Variants in FAF1 observed in about 807,000 individuals in gnomAD.
FAF1 encodes FAS-associated factor 1.
Under a neutral mutation model 92.5 loss-of-function variants are expected in FAF1, and 25 were observed. The ratio of observed to expected loss-of-function variants is 0.27; its 90% CI spans 0.20 to 0.38. The LOEUF is 0.38. Ranked by LOEUF, FAF1 falls within the 10% of genes least tolerant of loss-of-function variation. The probability of loss-of-function intolerance (pLI) is 1.00; values close to 1 mark genes in which losing one functional copy is unlikely to be tolerated. For synonymous variants in FAF1, 234 were observed against 273.2 expected, an observed-to-expected ratio of 0.86 and a Z score of 1.42; for missense variants, 636 against 793.3, an observed-to-expected ratio of 0.80 and a Z score of 2.38.
At chr1:50,646,686 G>A (rs1160542486) in intron 8 of FAF1, among the ~76,000 whole-genome samples, 1 of 152,070 alleles carries the variant, frequency 6.6e-6, no homozygotes, top group African/African-American at 2.4e-5. Context: ...TGATCCCATT[G>A]CATTTATATA....
intron 1 of FAF1, among the ~76,000 whole-genome samples, chr1:50,878,775 C>T (rs1644589688): frequency 6.6e-6 from 1 of 152,184 alleles, no homozygotes; most frequent in South Asian, 2.1e-4. Context: ...TAGTTTATCT[C>T]ATTTAATCAT....
chr1:50,906,278 G>A (rs1285436833), intron 1 of FAF1, among the ~76,000 whole-genome samples: 3 of 152,294 alleles, frequency 2.0e-5, no homozygotes, highest in East Asian at 1.9e-4. Context: ...TTTGGTTATT[G>A]TAGCTTTGTA....
chr1:50,701,130 TTA>T (rs1358362994), intron 7 of FAF1, among the ~76,000 whole-genome samples: 1 of 152,088 alleles, frequency 6.6e-6, no homozygotes, highest in African/African-American at 2.4e-5. Context: ...GCAGAAGAAA[TTA>T]TCTCTTTCAT....
chr1:50,669,223 G>A (rs540154182), intron 7 of FAF1, among the ~76,000 whole-genome samples: 1 of 152,112 alleles, frequency 6.6e-6, no homozygotes, highest in East Asian at 1.9e-4. Context: ...TCTAATCTCA[G>A]CTCTGAACTA....
At chr1:50,656,791 G>A (rs1171426955) in intron 7 of FAF1, among the ~76,000 whole-genome samples, 1 of 152,138 alleles carries the variant, frequency 6.6e-6, no homozygotes, top group Non-Finnish European at 1.5e-5. Context: ...GCTGAGGCAG[G>A]AGAATGGCTT....
chr1:50,455,721 A>AT lies in FAF1; in HGVS notation c.1870-14199dup, dbSNP rs778961299. 6.8e-4 allele frequency among the ~76,000 whole-genome samples: 104 copies of AT among 152,368 alleles called. 1 individual carries two copies. The highest frequency in any genetic ancestry group is 9.3e-4 in the Non-Finnish European group (63 of 68,034). ...ACGTATGTACCTTGCTTGAGATCAC[A>AT]TAACAAGTGGCTAGAAGAATTAAAA... On this transcript the variant is annotated intron_variant, in intron 18 of 18. Transcript: ENST00000396153.
chr1:50,772,917 TA>T (rs1054918580), intron 4 of FAF1, among the ~76,000 whole-genome samples: 2 of 152,024 alleles, frequency 1.3e-5, no homozygotes, highest in Non-Finnish European at 2.9e-5. Flanking sequence ...ATTTTTAAAA[TA>T]AAAAACAAAA....
intron 1 of FAF1, among the ~76,000 whole-genome samples, chr1:50,931,291 T>C (rs1157697346): frequency 2.0e-5 from 3 of 152,238 alleles, no homozygotes; most frequent in South Asian, 4.1e-4. Flanking sequence ...CTTATCTGCA[T>C]TGTTTATACT....
At chr1:50,895,243 GCCAATAAATTTGAAAACTTAGA>G (rs1208809353) in intron 1 of FAF1, among the ~76,000 whole-genome samples, 1 of 152,064 alleles carries the variant, frequency 6.6e-6, no homozygotes, top group East Asian at 1.9e-4. Flanking sequence ...CCACCTACAT[GCCAATAAATTTGAAAACTTAGA>G]CCAAATGTGG....
In FAF1 at chr1:50,592,433, A is replaced by C. The variant is rs139063802; in HGVS notation, c.840+3688T>G. Among the ~76,000 whole-genome samples, 9 of 152,236 alleles carry C rather than the reference A, an allele frequency of 5.9e-5. No homozygotes were observed. In the East Asian group the frequency reaches 1.7e-3, roughly 29 times the overall value. ...GCTAGGTATCCAGAAATATGGAAAA[A>C]TCATTAAACGGGGGCTCAGGAACAA... On this transcript the variant is annotated intron_variant, in intron 9 of 18. Transcript: ENST00000396153.
chr1:50,672,485 G>T (rs1318274972), intron 7 of FAF1, among the ~76,000 whole-genome samples: 2 of 151,860 alleles, frequency 1.3e-5, no homozygotes, highest in Admixed American at 1.3e-4. Context: ...ATTTCGCCAT[G>T]TTGCGCAGGC....
At chr1:50,442,586 T>C (rs1646182543) in intron 18 of FAF1, among the ~76,000 whole-genome samples, 1 of 152,228 alleles carries the variant, frequency 6.6e-6, no homozygotes, top group Non-Finnish European at 1.5e-5. Flanking sequence ...AAGCAATCTC[T>C]AGTCAGGCCT....
At chr1:50,593,890 G>C (rs974308277) in intron 9 of FAF1, among the ~76,000 whole-genome samples, 1 of 152,132 alleles carries the variant, frequency 6.6e-6, no homozygotes, top group Non-Finnish European at 1.5e-5. Flanking sequence ...TCCATAATGG[G>C]TGTCCAAAAT....
At chr1:50,557,032 A>T (rs916218871) in intron 13 of FAF1, among the ~76,000 whole-genome samples, 1 of 152,190 alleles carries the variant, frequency 6.6e-6, no homozygotes, top group Admixed American at 6.5e-5. Flanking sequence ...ATTATTTGAG[A>T]GCTGCTCAGA....
At chr1:50,688,348 G>A (rs921308857) in intron 7 of FAF1, among the ~76,000 whole-genome samples, 1 of 151,982 alleles carries the variant, frequency 6.6e-6, no homozygotes, top group East Asian at 1.9e-4. Context: ...GGGTGTATAC[G>A]TAATAGAAAT....
At chr1:50,905,730 A>AT (rs955022771) in intron 1 of FAF1, among the ~76,000 whole-genome samples, 2 of 150,746 alleles carry the variant, frequency 1.3e-5, no homozygotes, top group South Asian at 2.1e-4. Context: ...GATGGGGTTG[A>AT]TTTTTTCTTG....
chr1:50,763,733 T>G (rs770692377), intron 4 of FAF1, among the ~76,000 whole-genome samples: 6 of 152,228 alleles, frequency 3.9e-5, no homozygotes, highest in Non-Finnish European at 8.8e-5. Flanking sequence ...TATCACATAA[T>G]GTATCGACAT....
At chr1:50,801,726 C>A in intron 2 of FAF1, 49 bp from the exon 3 acceptor site, 1 of 1,062,232 alleles carries the variant, frequency 9.4e-7, no homozygotes, top group South Asian at 1.3e-5. Context: ...GATAAATGCC[C>A]AAGTGTGGTG....
intron 13 of FAF1, among the ~76,000 whole-genome samples, chr1:50,552,485 T>C (rs1313273626): frequency 1.3e-5 from 2 of 152,090 alleles, no homozygotes; most frequent in Non-Finnish European, 2.9e-5. Flanking sequence ...AGCATTTTAA[T>C]AGGAAACAAA....
Sources: gnomAD v4.1 joint callset for allele counts (sites outside exome capture counted in the v4.1 genomes callset) on GRCh38, gnomAD v4.1.1 for gene constraint, MANE v1.5 for transcripts, NCBI Gene and HGNC (gene_info 2026-07-23, HGNC 2026-07-21) for gene names.